The following USP7 variants were observed in gnomAD, a reference collection of about 807,000 sequenced individuals.
The protein encoded by USP7 is ubiquitin specific peptidase 7.
A neutral mutation model predicts 162.9 loss-of-function variants in USP7; 9 were observed. That is an observed-to-expected ratio of 0.06 (90% CI 0.03 to 0.10). The LOEUF (loss-of-function observed/expected upper bound fraction) is 0.10. USP7 is among the 10% of genes least tolerant of loss of function. USP7 has a pLI of 1.00. For synonymous variants in USP7, 562 were observed against 475.9 expected, an observed-to-expected ratio of 1.18 and a Z score of -2.35; for missense variants, 715 against 1,373.7, an observed-to-expected ratio of 0.52 and a Z score of 7.58.
At chr16:8,928,129 C>A (rs1177734219) in intron 2 of USP7, among the ~76,000 whole-genome samples, 1 of 152,178 alleles carries the variant, frequency 6.6e-6, no homozygotes, top group Non-Finnish European at 1.5e-5. Context: ...TAAATAAGTT[C>A]TCTCCCTCAA....
chr16:8,919,857 A>C (rs1897590406), intron 5 of USP7, among the ~76,000 whole-genome samples: 1 of 151,970 alleles, frequency 6.6e-6, no homozygotes, highest in African/African-American at 2.4e-5. Flanking sequence ...ATTCACCAGC[A>C]CCTTGCCACT....
chr16:8,953,364 T>C (rs1045015977), intron 1 of USP7, among the ~76,000 whole-genome samples: 8 of 152,044 alleles, frequency 5.3e-5, no homozygotes, highest in African/African-American at 1.4e-4. Context: ...CAGCAGATGT[T>C]TGATGAATGA....
At chr16:8,914,957 T>A (rs936292060) in intron 10 of USP7, among the ~76,000 whole-genome samples, 1 of 152,134 alleles carries the variant, frequency 6.6e-6, no homozygotes, top group Non-Finnish European at 1.5e-5. Flanking sequence ...TACTACAAGG[T>A]TCTATTTAAA....
chr16:8,897,500 T>C (rs539492325), intron 25 of USP7, among the ~76,000 whole-genome samples: 2 of 151,832 alleles, frequency 1.3e-5, no homozygotes, highest in East Asian at 3.9e-4. Context: ...AAGGTGAGGC[T>C]ATTTATGTCT....
intron 18 of USP7, among the ~76,000 whole-genome samples, chr16:8,901,778 G>A (rs2061778585): frequency 6.6e-6 from 1 of 152,210 alleles, no homozygotes; most frequent in Non-Finnish European, 1.5e-5. Flanking sequence ...TGTGGTCCCT[G>A]ACAGACAACG....
chr16:8,935,201 ATTTTT>A (rs35380091), intron 1 of USP7, among the ~76,000 whole-genome samples: 1 of 136,408 alleles, frequency 7.3e-6, no homozygotes, highest in Non-Finnish European at 1.6e-5. Context: ...TAAGGCACTA[ATTTTT>A]TTTTTTTTTT....
intron 27 of USP7, 69 bp downstream of exon 27, chr16:8,895,573 G>C: frequency 7.9e-7 from 1 of 1,272,170 alleles, no homozygotes. Flanking sequence ...AACTTGCTGT[G>C]ATATTTAAAT....
In USP7 at chr16:8,930,399, T is replaced by G. The variant is rs1186993204; in HGVS notation, c.80-2A>C. 1 of 1,600,446 alleles carries G rather than the reference T, an allele frequency of 6.2e-7. No homozygotes were observed. Among genetic ancestry groups the G allele is most frequent in the Non-Finnish European group, 8.5e-7 (1 of 1,174,226 alleles). The stretch of plus-strand genomic sequence containing the variant: ...TTGGTGGGTCATCTGTATCTCCCGC[T>G]TTAAAGAAGAAAAAGAAATTCCACG... On this transcript the variant is annotated splice_acceptor_variant, in intron 1 of 30. Transcript: ENST00000344836. LOFTEE classifies it high-confidence loss of function.
At chr16:8,933,583 G>A (rs1002625873) in intron 1 of USP7, among the ~76,000 whole-genome samples, 1 of 152,052 alleles carries the variant, frequency 6.6e-6, no homozygotes, top group Non-Finnish European at 1.5e-5. Context: ...TTTCTTCACT[G>A]TATATGCACA....
At chr16:8,948,834 T>A (rs933149673) in intron 1 of USP7, among the ~76,000 whole-genome samples, 32 of 152,136 alleles carry the variant, frequency 2.1e-4, no homozygotes, top group African/African-American at 7.7e-4. Context: ...CGTGGTGGCG[T>A]GTGCCTGCAG....
At position 8,963,198 on chromosome 16, in the gene USP7, G is replaced by A. The variant is rs1263064586; in HGVS notation, c.79+9C>T. On this transcript the variant is annotated intron_variant, in intron 1 of 30. Coordinates refer to ENST00000344836, the MANE Select transcript of USP7 (RefSeq NM_003470.3). Reference sequence around the variant, plus strand: ...CCCGGCCCCGCCGCGGCCGGCCCTCGGGCCTCACCTTCCATCTCCATGTCC... The same window carrying A: ...CCCGGCCCCGCCGCGGCCGGCCCTCAGGCCTCACCTTCCATCTCCATGTCC... 2.1e-6 allele frequency: 3 copies of A among 1,410,762 alleles called. No individual in the cohort carries two copies. The highest frequency in any genetic ancestry group is 9.3e-7 in the Non-Finnish European group (1 of 1,073,058). The allele number at this position is 1,410,762 out of a possible 1,614,324, so 87.4% of individuals were successfully genotyped here. A position where few individuals can be genotyped will look rare whatever the true frequency, so the allele number is the denominator to read the frequency against.
intron 18 of USP7, 62 bp from the exon 19 acceptor site, chr16:8,901,296 A>C: frequency 8.7e-7 from 1 of 1,151,564 alleles, no homozygotes; most frequent in Non-Finnish European, 1.2e-6. Context: ...CTTAAAAAAC[A>C]AAAAAACAAA....
intron 1 of USP7, among the ~76,000 whole-genome samples, chr16:8,959,588 T>G (rs1224600251): frequency 1.3e-5 from 2 of 152,200 alleles, no homozygotes; most frequent in African/African-American, 4.8e-5. Context: ...CTTGTAACTT[T>G]GCAAAGAATT....
rs774169498 is a variant in USP7 at position 8,895,612 on chromosome 16, T to C, written c.2919+30A>G. On this transcript the variant is annotated intron_variant, in intron 27 of 30. Transcript: ENST00000344836. ...CAGCAGATGGGGCTCATGAATTCTC[T>C]CTGGTGCCAACAGTATCGGGGACAG... 4.5e-6 allele frequency: 7 copies of C among 1,564,424 alleles called. No homozygotes were observed. The Admixed American group carries it at 1.2e-4, about 27-fold the overall frequency.
At chr16:8,911,464 T>C (rs1280745334) in intron 10 of USP7, among the ~76,000 whole-genome samples, 28 of 152,100 alleles carry the variant, frequency 1.8e-4, no homozygotes, top group Admixed American at 1.8e-3. Flanking sequence ...AACACGGAAT[T>C]GTATATCCAG....
chr16:8,959,376 C>T (rs1047750324), intron 1 of USP7, among the ~76,000 whole-genome samples: 3 of 150,742 alleles, frequency 2.0e-5, no homozygotes, highest in South Asian at 2.1e-4. Context: ...AAAAAGGATA[C>T]CTTCTTCCTA....
intron 9 of USP7, 50 bp downstream of exon 9, chr16:8,915,395 C>T (rs1324386169): frequency 1.2e-6 from 2 of 1,612,886 alleles, no homozygotes; most frequent in East Asian, 2.2e-5. Flanking sequence ...TCAAAAAATT[C>T]ACATTCTAAA....
At chr16:8,921,897 C>T (rs1292979059) in intron 3 of USP7, among the ~76,000 whole-genome samples, 1 of 152,090 alleles carries the variant, frequency 6.6e-6, no homozygotes, top group Non-Finnish European at 1.5e-5. Context: ...TTAAGGTTTG[C>T]GATTTAAGTG....
chr16:8,920,759 A>T (rs1411603682), intron 4 of USP7, among the ~76,000 whole-genome samples: 1 of 152,210 alleles, frequency 6.6e-6, no homozygotes, highest in African/African-American at 2.4e-5. Flanking sequence ...TAAGTGACTT[A>T]GCATAGTAAG....
Sources: gnomAD v4.1 joint callset for allele counts (sites outside exome capture counted in the v4.1 genomes callset) on GRCh38, gnomAD v4.1.1 for gene constraint, MANE v1.5 for transcripts, NCBI Gene and HGNC (gene_info 2026-07-23, HGNC 2026-07-21) for gene names.